The following AGR3 variants were observed in gnomAD, a reference collection of about 807,000 sequenced individuals.
AGR3 encodes the protein anterior gradient 3, protein disulphide isomerase family member.
A neutral mutation model predicts 24.5 loss-of-function variants in AGR3; 37 were observed. The observed-to-expected ratio is 1.51, with a 90% CI of 1.16 to 1.99. The LOEUF (loss-of-function observed/expected upper bound fraction) is 1.99. Ranked by LOEUF, AGR3 falls within the 30% of genes most tolerant of loss-of-function variation. The pLI is 0.00. For synonymous variants in AGR3, 75 were observed against 61.6 expected, an observed-to-expected ratio of 1.22 and a Z score of -1.02; for missense variants, 228 against 191.1, an observed-to-expected ratio of 1.19 and a Z score of -1.14.
chr7:16,864,386 AC>A, intron 3 of AGR3: 1 of 1,308,492 alleles, frequency 7.6e-7, no homozygotes, highest in Non-Finnish European at 1.1e-6. Context: ...AGAGGAAGAG[AC>A]CAGGTTTCCA....
chr7:16,868,518 A>T (rs1212200192), intron 3 of AGR3, among the ~76,000 whole-genome samples: 1 of 152,100 alleles, frequency 6.6e-6, no homozygotes, highest in Middle Eastern at 3.4e-3. Flanking sequence ...CACAAATTCC[A>T]TTTTTGTTTT....
chr7:16,861,847 G>C, intron 5 of AGR3, 137 bp downstream of exon 5: 2 of 715,894 alleles, frequency 2.8e-6, no homozygotes, highest in African/African-American at 3.7e-5. Context: ...GTTGCTGTGA[G>C]CCCAGATTAC....
chr7:16,865,818 G>T lies in AGR3; in HGVS notation c.174-3156C>A, dbSNP rs1329346962. 4 of 745,608 alleles carry T rather than the reference G, an allele frequency of 5.4e-6. No homozygotes were observed. The Admixed American group carries it at 7.1e-5, about 13-fold the overall frequency. 46.2% of individuals were successfully genotyped at this position (745,608 alleles called of 1,614,324 possible). On this transcript the variant is annotated intron_variant, in intron 3 of 7. Transcript: ENST00000310398. Reference sequence around the variant, plus strand: ...TCTTTTTGGAAATCTGGTAAAACTGGATTAATCCACTCTTGTACTTGAATA... The same window carrying T: ...TCTTTTTGGAAATCTGGTAAAACTGTATTAATCCACTCTTGTACTTGAATA...
rs565243788 is a variant in AGR3, at chr7:16,875,104, G to T, written c.110-1261C>A. 3.2e-4 allele frequency among the ~76,000 whole-genome samples: 40 copies of T among 124,500 alleles called. 1 individual carries two copies. In the East Asian group the frequency reaches 8.5e-3, roughly 26 times the overall value. The allele number at this position is 124,500 out of a possible 152,430, so 81.7% of individuals were successfully genotyped here. A position where few individuals can be genotyped will look rare whatever the true frequency, so the allele number is the denominator to read the frequency against. ...CTCTCCAGCCTGGGTAACAGAGCGA[G>T]ACTCCATCTCAAAAAAAAAAAAAAA... On this transcript the variant is annotated intron_variant, in intron 2 of 7. Coordinates refer to ENST00000310398, the MANE Select transcript of AGR3 (RefSeq NM_176813.5).
intron 1 of AGR3, among the ~76,000 whole-genome samples, chr7:16,880,170 C>G (rs532526688): frequency 7.2e-6 from 1 of 139,654 alleles, no homozygotes; most frequent in South Asian, 2.3e-4. Context: ...TCTCTCCTTT[C>G]TTTCTTTTTT....
At chr7:16,875,904 A>C (rs10236232) in intron 2 of AGR3, among the ~76,000 whole-genome samples, 2 of 152,144 alleles carry the variant, frequency 1.3e-5, no homozygotes, top group Non-Finnish European at 2.9e-5. Context: ...ATTTTGCATT[A>C]AGTAAAAGTT....
At chr7:16,861,908 A>G (rs996092809) in intron 5 of AGR3, 76 bp downstream of exon 5, 21 of 1,362,588 alleles carry the variant, frequency 1.5e-5, no homozygotes, top group South Asian at 1.2e-4. Flanking sequence ...CTAAAAAAAA[A>G]AAAAAAAAAG....
chr7:16,879,646 T>G (rs1782064257), intron 1 of AGR3, among the ~76,000 whole-genome samples: 1 of 152,230 alleles, frequency 6.6e-6, no homozygotes, highest in Non-Finnish European at 1.5e-5. Context: ...AGTATTGAAC[T>G]CATCACCAAA....
At chr7:16,877,567 T>C (rs1185869514) in intron 2 of AGR3, among the ~76,000 whole-genome samples, 2 of 151,664 alleles carry the variant, frequency 1.3e-5, no homozygotes, top group Admixed American at 1.3e-4. Context: ...AAACTAACTT[T>C]GAGAATATTT....
chr7:16,860,372 G>T, intron 7 of AGR3, 128 bp downstream of exon 7: 1 of 678,368 alleles, frequency 1.5e-6, no homozygotes, highest in Non-Finnish European at 2.6e-6. Context: ...CTAGAAGTTG[G>T]CATTTAAACA....
intron 3 of AGR3, among the ~76,000 whole-genome samples, chr7:16,871,202 C>G (rs184486492): frequency 2.6e-3 from 403 of 152,282 alleles, no homozygotes; most frequent in Non-Finnish European, 4.3e-3. Context: ...TCTGTCTAAG[C>G]TTGTATACTG....
downstream of AGR3, among the ~76,000 whole-genome samples, chr7:16,855,896 T>C (rs923360900): frequency 9.9e-5 from 15 of 152,218 alleles, no homozygotes; most frequent in African/African-American, 3.6e-4. Context: ...TGTATACTTA[T>C]GTATTGTAAG....
At chr7:16,875,098 G>C (rs1035777074) in intron 2 of AGR3, among the ~76,000 whole-genome samples, 2 of 135,560 alleles carry the variant, frequency 1.5e-5, no homozygotes, top group Non-Finnish European at 1.5e-5. Flanking sequence ...CTGGGTAACA[G>C]AGCGAGACTC....
At chr7:16,858,023 T>C (rs967778246), downstream of AGR3, among the ~76,000 whole-genome samples, 2 of 151,684 alleles carry the variant, frequency 1.3e-5, no homozygotes, top group Non-Finnish European at 2.9e-5. Flanking sequence ...GTTTCACTCT[T>C]GTTGCCCAGG....
At chr7:16,870,781 G>A (rs572149165) in intron 3 of AGR3, among the ~76,000 whole-genome samples, 13 of 152,078 alleles carry the variant, frequency 8.5e-5, no homozygotes, top group African/African-American at 2.9e-4. Flanking sequence ...ATGTTCTGCT[G>A]GTGCTCCTTA....
intron 3 of AGR3, among the ~76,000 whole-genome samples, chr7:16,872,216 G>A (rs556549146): frequency 6.6e-6 from 1 of 152,180 alleles, no homozygotes; most frequent in South Asian, 2.1e-4. Flanking sequence ...ATACTGCAAA[G>A]CTATAGTAAA....
At chr7:16,879,861 C>A (rs1167662498) in intron 1 of AGR3, among the ~76,000 whole-genome samples, 1 of 152,212 alleles carries the variant, frequency 6.6e-6, no homozygotes, top group Non-Finnish European at 1.5e-5. Context: ...TGGAGGAGAA[C>A]AACAATTTGG....
chr7:16,870,869 T>A (rs1239521446), intron 3 of AGR3, among the ~76,000 whole-genome samples: 2 of 152,168 alleles, frequency 1.3e-5, no homozygotes, highest in Non-Finnish European at 2.9e-5. Flanking sequence ...CTAATGCTTG[T>A]CCAATATTGA....
At chr7:16,865,750 CAT>C (rs1199098240) in intron 3 of AGR3, 3 of 754,838 alleles carry the variant, frequency 4.0e-6, no homozygotes, top group Admixed American at 3.6e-5. Context: ...GATAGGGAAA[CAT>C]ATGGAAGCTT....
Sources: allele counts gnomAD v4.1 joint callset (sites outside exome capture counted in the v4.1 genomes callset), GRCh38; gene constraint gnomAD v4.1.1; transcripts MANE v1.5; gene names NCBI Gene and HGNC (gene_info 2026-07-23, HGNC 2026-07-21).